Variants in MITD1 observed in about 807,000 individuals in gnomAD.
MITD1 encodes MIT domain-containing protein 1.
MITD1 carries 24 observed loss-of-function variants against 34.9 expected under a neutral mutation model. The ratio of observed to expected loss-of-function variants is 0.69; its 90% CI spans 0.50 to 0.97. The LOEUF is 0.97. Ranked by LOEUF, MITD1 falls within the 50% of genes least tolerant of loss-of-function variation. MITD1 has a pLI of 0.00. For synonymous variants in MITD1, 102 were observed against 101.4 expected (o/e 1.01, Z -0.04); for missense variants, 266 against 294.6 (o/e 0.90, Z 0.71).
At chr2:99,161,889 A>G (rs2093795866), downstream of MITD1, 4 of 1,341,242 alleles carry the variant, frequency 3.0e-6, no homozygotes, top group Non-Finnish European at 4.1e-6. Context: ...GATAATTGAT[A>G]GTTAGAAAAT....
chr2:99,165,882 G>A (rs2093824607), downstream of MITD1, among the ~76,000 whole-genome samples: 1 of 152,154 alleles, frequency 6.6e-6, no homozygotes, highest in African/African-American at 2.4e-5. Flanking sequence ...AGCGACAGGG[G>A]CCTGAATTTC....
At chr2:99,176,858 C>T (rs2093890813) in intron 1 of MITD1, among the ~76,000 whole-genome samples, 1 of 152,144 alleles carries the variant, frequency 6.6e-6, no homozygotes, top group African/African-American at 2.4e-5. Flanking sequence ...GAGCCTCGGT[C>T]ACTTTTATTG....
intron 1 of MITD1, chr2:99,178,448 G>A (rs2093898885): frequency 6.6e-6 from 1 of 152,142 alleles, no homozygotes; most frequent in Non-Finnish European, 1.5e-5. Context: ...AAGTGCTGTG[G>A]ATACAGCAGT....
chr2:99,169,512 A>G, intron 6 of MITD1, 38 bp downstream of exon 6: 1 of 1,600,320 alleles, frequency 6.2e-7, no homozygotes, highest in Non-Finnish European at 8.6e-7. Flanking sequence ...ATGATACAAA[A>G]ACAGTGCTAC....
chr2:99,177,119 T>C (rs935530420), intron 1 of MITD1, among the ~76,000 whole-genome samples: 10 of 152,282 alleles, frequency 6.6e-5, no homozygotes, highest in African/African-American at 2.4e-4. Flanking sequence ...CCCCCATCCC[T>C]CTCCTGCCCA....
At chr2:99,165,833 G>C (rs180910327), downstream of MITD1, among the ~76,000 whole-genome samples, 8 of 152,290 alleles carry the variant, frequency 5.3e-5, no homozygotes, top group East Asian at 1.5e-3. Context: ...CACTAGTGAT[G>C]CAGAACATCT....
At chr2:99,161,702 T>C, downstream of MITD1, 1 of 373,158 alleles carries the variant, frequency 2.7e-6, no homozygotes, top group South Asian at 5.7e-5. Context: ...TATTACATAA[T>C]GTATTTGCAG....
At position 99,171,436 on chromosome 2, in the gene MITD1, G is replaced by GACATTAGA; in HGVS notation, c.391-15_391-8dup. The GACATTAGA allele has an allele frequency of 1.2e-6, 2 of 1,606,472 alleles. No homozygotes were observed. Among genetic ancestry groups the GACATTAGA allele is most frequent in the Non-Finnish European group, 1.7e-6 (2 of 1,173,520 alleles). On this transcript the variant is annotated splice_region_variant and splice_polypyrimidine_tract_variant and intron_variant, in intron 3 of 6. Coordinates refer to ENST00000289359, the MANE Select transcript of MITD1 (RefSeq NM_138798.3). ...ATCGAAGAAAGTTATACAGCTAAAA[G>GACATTAGA]ACATTAGAATGGATTATTACTAATT...
chr2:99,179,267 A>G (rs759194856), intron 1 of MITD1, among the ~76,000 whole-genome samples: 6 of 152,124 alleles, frequency 3.9e-5, no homozygotes, highest in African/African-American at 9.7e-5. Context: ...AACACAGTAC[A>G]CCATCTCTCT....
chr2:99,162,760 C>T (rs2093806678), intron 7 of MITD1: 1 of 1,614,122 alleles, frequency 6.2e-7, no homozygotes, highest in East Asian at 2.2e-5. Context: ...GAACTGCAAA[C>T]TTGGGAGTGG....
At position 99,162,578 on chromosome 2, in the gene MITD1, C is replaced by A. The variant is rs767188388; in HGVS notation, c.*4-360G>T. On this transcript the variant is annotated intron_variant, in intron 7 of 7. Coordinates refer to the MITD1 transcript ENST00000422537. ...GGATCAGGAGCAATGCCACTGCTAGCATACCTTCCTTAGTGAAAAATCTTT... is the reference window on the plus strand; with the variant it reads ...GGATCAGGAGCAATGCCACTGCTAGAATACCTTCCTTAGTGAAAAATCTTT... The A allele has an allele frequency of 1.1e-5, 17 of 1,614,166 alleles. No individual in the cohort carries two copies. In the South Asian group the frequency reaches 1.6e-4, roughly 16 times the overall value.
Position 99,180,968 on chromosome 2 carries a change from C to G in MITD1, c.14G>C (p.Gly5Ala), listed in dbSNP as rs145515121. Residue 5 changes from glycine (G) to alanine (A), a missense_variant, in exon 1 of 7, where the codon GGG becomes GCG. Transcript: ENST00000289359. Reference sequence around the variant, plus strand: ...TGTGCTCTGCGGGTCCTGCCTCAGCCCGGACTTCGCCATAATTCTGGAAGT... The same window carrying G: ...TGTGCTCTGCGGGTCCTGCCTCAGCGCGGACTTCGCCATAATTCTGGAAGT... The part of the protein sequence containing the change: MAKS[G>A]LRQDPQSTAA... The G allele has an allele frequency of 1.2e-6, 2 of 1,613,444 alleles. No homozygotes were observed. Among genetic ancestry groups the G allele is most frequent in the African/African-American group, 1.3e-5 (1 of 74,914 alleles).
chr2:99,172,502 C>CA (rs2093864461), intron 2 of MITD1: 1 of 151,940 alleles, frequency 6.6e-6, no homozygotes, highest in Non-Finnish European at 1.5e-5. Flanking sequence ...ACTGGGATGT[C>CA]ACAGGATCAA....
At chr2:99,161,698 A>C, downstream of MITD1, 1 of 359,052 alleles carries the variant, frequency 2.8e-6, no homozygotes, top group African/African-American at 2.1e-5. Context: ...GATATATTAC[A>C]TAATGTATTT....
At chr2:99,163,726 A>G (rs2093813662) in intron 7 of MITD1, among the ~76,000 whole-genome samples, 1 of 151,892 alleles carries the variant, frequency 6.6e-6, no homozygotes, top group Admixed American at 6.6e-5. Context: ...CTGACCTCAG[A>G]CTTAGTTCTC....
intron 4 of MITD1, chr2:99,170,870 C>A (rs1429114159): frequency 2.9e-6 from 1 of 340,350 alleles, no homozygotes; most frequent in Non-Finnish European, 5.4e-6. Flanking sequence ...ATAACTCCAT[C>A]CTGTCTCCTT....
At position 99,169,549 on chromosome 2, in the gene MITD1, C is replaced by A. The variant is rs956052372; in HGVS notation, c.654+1G>T. The A allele has an allele frequency of 6.2e-7, 1 of 1,607,904 alleles. No homozygotes were observed. ...CATTTACTCATAAGATTATATCCTA[C>A]CTGTGGTTTCTTAAAATAATCAAGT... is the stretch of plus-strand genomic sequence containing the variant. On this transcript the variant is annotated splice_donor_variant, in intron 6 of 6. Transcript: ENST00000289359. LOFTEE classifies it high-confidence loss of function.
At chr2:99,176,470 C>T (rs370243834) in intron 1 of MITD1, among the ~76,000 whole-genome samples, 59 of 151,988 alleles carry the variant, frequency 3.9e-4, no homozygotes, top group African/African-American at 5.8e-4. Context: ...GGATTATAGG[C>T]GCCCGCCACC....
rs376173468 is a variant in MITD1 at position 99,170,525 on chromosome 2, T to C, written c.593+12A>G. ...CAACTGCATAAAAATTAAAACATTA[T>C]TGTAGACTAACCTAATTTCTCGGTC... On this transcript the variant is annotated intron_variant, in intron 5 of 6. Coordinates refer to ENST00000289359, the MANE Select transcript of MITD1 (RefSeq NM_138798.3). 11 of 1,277,528 alleles carry C rather than the reference T, an allele frequency of 8.6e-6. No individual in the cohort carries two copies. The highest frequency in any genetic ancestry group is 1.4e-5 in the African/African-American group (1 of 69,024). 79.1% of individuals were successfully genotyped at this position (1,277,528 alleles called of 1,614,324 possible).
Sources: gnomAD v4.1 joint callset for allele counts (sites outside exome capture counted in the v4.1 genomes callset) on GRCh38, gnomAD v4.1.1 for gene constraint, MANE v1.5 for transcripts, NCBI Gene and HGNC (gene_info 2026-07-23, HGNC 2026-07-21) for gene names.